LRMDA: variants seen among roughly 807,000 people sequenced by gnomAD.
LRMDA encodes leucine-rich melanocyte differentiation-associated protein.
A neutral mutation model predicts 29.8 loss-of-function variants in LRMDA; 18 were observed. The ratio of observed to expected loss-of-function variants is 0.60; its 90% confidence interval spans 0.42 to 0.90. LRMDA has a LOEUF of 0.90. Among genes scored for constraint, LRMDA ranks in the 40% least tolerant of loss-of-function variants. LRMDA has a pLI of 0.00. For synonymous variants in LRMDA, 125 were observed against 109.4 expected (o/e 1.14, Z -0.89); for missense variants, 273 against 273.9 (o/e 1.00, Z 0.02).
intron 5 of LRMDA, among the ~76,000 whole-genome samples, chr10:76,133,371 G>T (rs74729330): frequency 2.7e-3 from 405 of 152,134 alleles, no homozygotes; most frequent in African/African-American, 9.3e-3. Context: ...ATAATTGCTT[G>T]ACAGCCTGGC....
intron 2 of LRMDA, among the ~76,000 whole-genome samples, chr10:75,674,016 A>G (rs1290212448): frequency 6.6e-6 from 1 of 152,240 alleles, no homozygotes; most frequent in African/African-American, 2.4e-5. Context: ...TAAAGCAAAC[A>G]AGGAGAAACA....
At chr10:75,460,534 A>C (rs1425383560) in intron 2 of LRMDA, among the ~76,000 whole-genome samples, 1 of 152,146 alleles carries the variant, frequency 6.6e-6, no homozygotes, top group Non-Finnish European at 1.5e-5. Context: ...TAGGCCAAAT[A>C]ATTTTTTACT....
intron 6 of LRMDA, among the ~76,000 whole-genome samples, chr10:76,517,141 A>G (rs553881386): frequency 6.6e-6 from 1 of 152,296 alleles, no homozygotes; most frequent in East Asian, 1.9e-4. Context: ...TCAACAAATC[A>G]AAGTTCCAGG....
intron 6 of LRMDA, chr10:76,470,505 T>C (rs1263974469): frequency 6.6e-6 from 1 of 151,944 alleles, no homozygotes; most frequent in Non-Finnish European, 1.5e-5. Context: ...CAAATGTCCA[T>C]CAAGGGATTA....
intron 2 of LRMDA, among the ~76,000 whole-genome samples, chr10:75,994,102 C>T (rs1214635977): frequency 6.6e-6 from 1 of 152,206 alleles, no homozygotes; most frequent in East Asian, 1.9e-4. Context: ...AATCTTTATT[C>T]ACCCTAAGTT....
chr10:75,850,432 A>T (rs1202694980), intron 2 of LRMDA, among the ~76,000 whole-genome samples: 2 of 152,206 alleles, frequency 1.3e-5, no homozygotes, highest in Non-Finnish European at 2.9e-5. Context: ...AGAGTTGGGC[A>T]TTCCCACTCA....
intron 2 of LRMDA, among the ~76,000 whole-genome samples, chr10:75,805,107 C>T (rs924728608): frequency 3.9e-5 from 6 of 152,242 alleles, no homozygotes; most frequent in African/African-American, 1.4e-4. Context: ...ACCTTGCCTT[C>T]TTCAATGCTG....
chr10:76,166,782 G>C (rs930822663), intron 5 of LRMDA, among the ~76,000 whole-genome samples: 4 of 152,234 alleles, frequency 2.6e-5, no homozygotes, highest in Admixed American at 2.6e-4. Flanking sequence ...GTGAACACAT[G>C]AATGTGTATG....
At chr10:75,892,780 G>A (rs1199644338) in intron 2 of LRMDA, among the ~76,000 whole-genome samples, 1 of 152,060 alleles carries the variant, frequency 6.6e-6, no homozygotes, top group Non-Finnish European at 1.5e-5. Flanking sequence ...CACTTCTCAG[G>A]GGCCTAAGGA....
intron 6 of LRMDA, among the ~76,000 whole-genome samples, chr10:76,519,680 C>CA (rs1843099352): frequency 6.6e-6 from 1 of 152,116 alleles, no homozygotes; most frequent in Admixed American, 6.5e-5. Context: ...ACTACATGAT[C>CA]ACAAACATTA....
At chr10:76,048,325 T>C (rs1488770499) in intron 4 of LRMDA, among the ~76,000 whole-genome samples, 2 of 152,216 alleles carry the variant, frequency 1.3e-5, no homozygotes, top group Non-Finnish European at 2.9e-5. Context: ...CAAGTTTTTG[T>C]AATTTTTTTC....
chr10:75,528,435 G>T (rs1187616623), intron 2 of LRMDA, among the ~76,000 whole-genome samples: 1 of 152,212 alleles, frequency 6.6e-6, no homozygotes, highest in Non-Finnish European at 1.5e-5. Context: ...CATACACATA[G>T]TGGATTTTGG....
intron 2 of LRMDA, chr10:75,552,421 T>G (rs993855466): frequency 3.5e-6 from 1 of 287,868 alleles, no homozygotes; most frequent in African/African-American, 2.4e-5. Context: ...GTGTTTTTTT[T>G]TTTTCCCCCC....
intron 2 of LRMDA, among the ~76,000 whole-genome samples, chr10:75,481,890 C>T (rs1430333): frequency 0.022 from 3,365 of 152,294 alleles, 119 homozygotes; most frequent in African/African-American, 0.077. Context: ...CTCTTACCCC[C>T]ACCTTTCCAC....
At chr10:75,665,699 AG>A (rs1487429894) in intron 2 of LRMDA, among the ~76,000 whole-genome samples, 5 of 152,340 alleles carry the variant, frequency 3.3e-5, no homozygotes, top group African/African-American at 1.2e-4. Flanking sequence ...AAATTGTGAA[AG>A]AATTTGAAAT....
At chr10:75,577,737 C>T (rs1174575197) in intron 2 of LRMDA, among the ~76,000 whole-genome samples, 2 of 152,172 alleles carry the variant, frequency 1.3e-5, no homozygotes, top group African/African-American at 4.8e-5. Flanking sequence ...CAATATTCAA[C>T]ATTCTTAAAG....
intron 5 of LRMDA, among the ~76,000 whole-genome samples, chr10:76,275,918 C>T (rs1840125402): frequency 6.6e-6 from 1 of 151,910 alleles, no homozygotes; most frequent in African/African-American, 2.4e-5. Context: ...TTCCTGTTTT[C>T]CAGGTTGGAT....
intron 6 of LRMDA, chr10:76,437,442 G>T (rs796528694): frequency 5.9e-5 from 9 of 152,294 alleles, no homozygotes; most frequent in African/African-American, 2.2e-4. Flanking sequence ...GTTTTGTTTT[G>T]ATTGTTTTCC....
At chr10:75,899,664 T>A (rs1845638603) in intron 2 of LRMDA, among the ~76,000 whole-genome samples, 1 of 152,104 alleles carries the variant, frequency 6.6e-6, no homozygotes, top group Non-Finnish European at 1.5e-5. Flanking sequence ...AACTACAACC[T>A]CTTAGATTTG....
Sources: allele counts gnomAD v4.1 joint callset (sites outside exome capture counted in the v4.1 genomes callset), GRCh38; gene constraint gnomAD v4.1.1; transcripts MANE v1.5; gene names NCBI Gene and HGNC (gene_info 2026-07-23, HGNC 2026-07-21).